The following PIKFYVE variants were observed in gnomAD, a reference collection of about 807,000 sequenced individuals.
PIKFYVE encodes the protein 1-phosphatidylinositol 3-phosphate 5-kinase.
A neutral mutation model predicts 257.9 loss-of-function variants in PIKFYVE; 122 were observed. The observed-to-expected ratio is 0.47, with a 90% CI of 0.41 to 0.55. The LOEUF (loss-of-function observed/expected upper bound fraction) is 0.55, where lower values mean the gene tolerates loss of function less well. Among genes scored for constraint, PIKFYVE ranks in the 20% least tolerant of loss-of-function variants. PIKFYVE has a pLI of 0.00. For synonymous variants in PIKFYVE, 892 were observed against 868.9 expected (o/e 1.03, Z -0.47); for missense variants, 2,160 against 2,536.6 (o/e 0.85, Z 3.19).
chr2:208,335,967 C>T (rs1158312316), intron 26 of PIKFYVE, 66 bp downstream of exon 26: 1 of 1,587,298 alleles, frequency 6.3e-7, no homozygotes. Context: ...GATTAAAAAT[C>T]AAAAATTAAT....
intron 7 of PIKFYVE, among the ~76,000 whole-genome samples, chr2:208,291,109 A>G (rs1437244453): frequency 1.3e-5 from 2 of 152,216 alleles, no homozygotes; most frequent in African/African-American, 4.8e-5. Flanking sequence ...GTTTCTCACC[A>G]TTAAGTATGA....
intron 12 of PIKFYVE, chr2:208,305,496 T>A (rs1002267219): frequency 4.5e-6 from 4 of 886,338 alleles, no homozygotes; most frequent in Admixed American, 5.4e-5. Context: ...TAATTCATAA[T>A]GCTTATTATG....
Position 208,288,740 on chromosome 2 carries a change from C to T in PIKFYVE, c.833C>T (p.Pro278Leu), listed in dbSNP as rs1691907044. The T allele has an allele frequency of 6.2e-7, 1 of 1,613,938 alleles. No homozygotes were observed. The highest frequency in any genetic ancestry group is 8.5e-7 in the Non-Finnish European group (1 of 1,179,938). Reference sequence around the variant, plus strand: ...TATTTTCTTTATAGTTTGATTCATCCAGATTCCTCAAATACTCCTCTTTCA... The same window carrying T: ...TATTTTCTTTATAGTTTGATTCATCTAGATTCCTCAAATACTCCTCTTTCA... Reference protein sequence around the residue: ...DDLAWQSLIHPDSSNTPLSTR... With the variant: ...DDLAWQSLIHLDSSNTPLSTR... Residue 278 changes from proline to leucine, a missense_variant, in exon 7 of 42, where the codon CCA (proline) becomes CTA (leucine). Physicochemically the swap from Pro to Leu is moderately conservative, Grantham distance 98 (BLOSUM62 -3). Transcript: ENST00000264380.
rs1698201984 is a variant in PIKFYVE at position 208,336,993 on chromosome 2, A to G, written c.4611+65A>G. ...AAATATAGTTAGTTTCATTTATAAT[A>G]CTTAGCAGGGATAGTTTAATATGTA... is the stretch of plus-strand genomic sequence containing the variant. On this transcript the variant is annotated intron_variant, in intron 28 of 41. Transcript: ENST00000264380. 5 of 1,235,106 alleles carry G rather than the reference A, an allele frequency of 4.0e-6. No homozygotes were observed. The Middle Eastern group carries it at 6.2e-4, about 152-fold the overall frequency. The allele number at this position is 1,235,106 out of a possible 1,614,324, so 76.5% of individuals were successfully genotyped here.
chr2:208,318,536 G>T (rs1442485196), intron 16 of PIKFYVE, among the ~76,000 whole-genome samples: 1 of 152,188 alleles, frequency 6.6e-6, no homozygotes, highest in Non-Finnish European at 1.5e-5. Context: ...TTGATTCTCA[G>T]TGTAGTGTAC....
chr2:208,272,708 CTTTAATAATATTAACTGAA>C (rs2125007656), intron 2 of PIKFYVE, among the ~76,000 whole-genome samples: 1 of 151,880 alleles, frequency 6.6e-6, no homozygotes, highest in South Asian at 2.1e-4. Context: ...TCAGTAGAAC[CTTTAATAATATTAACTGAA>C]TTTTATTTAT....
chr2:208,352,788 G>A lies in PIKFYVE; in HGVS notation c.5844+6G>A. On this transcript the variant is annotated splice_donor_region_variant and intron_variant, in intron 39 of 41. Coordinates refer to ENST00000264380, the MANE Select transcript of PIKFYVE (RefSeq NM_015040.4). ...ACGGGAGAAAGATGGCACAGGTAAG[G>A]GTATTGGACTATGTGAAGCATTTAG... The A allele has an allele frequency of 1.9e-6, 3 of 1,612,222 alleles. No individual in the cohort carries two copies. Among genetic ancestry groups the A allele is most frequent in the Non-Finnish European group, 8.5e-7 (1 of 1,179,116 alleles).
At chr2:208,295,091 T>C (rs1692799838) in intron 7 of PIKFYVE, among the ~76,000 whole-genome samples, 1 of 152,226 alleles carries the variant, frequency 6.6e-6, no homozygotes, top group Non-Finnish European at 1.5e-5. Context: ...AGGTTTCTGC[T>C]CCAGTGAGTT....
chr2:208,269,024 A>G (rs1212057779), intron 1 of PIKFYVE, among the ~76,000 whole-genome samples: 4 of 152,164 alleles, frequency 2.6e-5, no homozygotes, highest in Non-Finnish European at 5.9e-5. Flanking sequence ...GTGACCCCCA[A>G]GAAAGTTGTT....
intron 3 of PIKFYVE, among the ~76,000 whole-genome samples, chr2:208,276,387 C>A (rs1334670709): frequency 6.6e-6 from 1 of 152,106 alleles, no homozygotes; most frequent in East Asian, 1.9e-4. Context: ...ATAGGTTGGA[C>A]CAAAGGGCTT....
rs140491727 is a variant in PIKFYVE at position 208,343,348 on chromosome 2, C to G, written c.5027+699C>G. 8.7e-3 allele frequency among the ~76,000 whole-genome samples: 1,320 copies of G among 152,152 alleles called. 12 individuals carry two copies. Among genetic ancestry groups the G allele is most frequent in the African/African-American group, 0.03 (1,226 of 41,492 alleles). On this transcript the variant is annotated intron_variant, in intron 32 of 41. Transcript: ENST00000264380. ...GTACCATTCACTCATTTTCTACTACCCTACATACGAGGTAAAATTTTTCTA... is the reference window on the plus strand; with the variant it reads ...GTACCATTCACTCATTTTCTACTACGCTACATACGAGGTAAAATTTTTCTA...
chr2:208,336,955 C>T, intron 28 of PIKFYVE, 27 bp downstream of exon 28: 1 of 1,514,144 alleles, frequency 6.6e-7, no homozygotes, highest in East Asian at 2.3e-5. Flanking sequence ...TGTCTTTGGT[C>T]CTTAATCAAT....
chr2:208,313,095 A>G (rs1695103348), intron 13 of PIKFYVE, among the ~76,000 whole-genome samples: 2 of 152,210 alleles, frequency 1.3e-5, no homozygotes, highest in African/African-American at 4.8e-5. Flanking sequence ...TTTACTGTGT[A>G]ATCTGCTGGG....
chr2:208,351,139 A>T (rs778381227), intron 37 of PIKFYVE, among the ~76,000 whole-genome samples, 192 bp downstream of exon 37: 3 of 152,236 alleles, frequency 2.0e-5, no homozygotes, highest in Non-Finnish European at 4.4e-5. Flanking sequence ...TAGATGTGTT[A>T]TTGACAAAAG....
At chr2:208,276,968 A>G in intron 4 of PIKFYVE, 138 bp downstream of exon 4, 1 of 656,014 alleles carries the variant, frequency 1.5e-6, no homozygotes, top group South Asian at 2.0e-5. Context: ...ATTTTTATAC[A>G]TAAGTTCTTA....
Position 208,357,653 on chromosome 2 carries a change from T to C in PIKFYVE, c.*2348T>C, listed in dbSNP as rs1221644572. ...AGGGGAAATATACAATTTATTTCTA[T>C]TGAGTGGTAGAACTATATGTCTGGT... On this transcript the variant is annotated 3_prime_UTR_variant, in exon 42 of 42. Transcript: ENST00000264380. 2 of 152,246 alleles carry C rather than the reference T, an allele frequency of 1.3e-5. No homozygotes were observed. Among genetic ancestry groups the C allele is most frequent in the African/African-American group, 4.8e-5 (2 of 41,468 alleles). 9.4% of individuals were successfully genotyped at this position (152,246 alleles called of 1,614,324 possible). A position where few individuals can be genotyped will look rare whatever the true frequency, so the allele number is the denominator to read the frequency against.
intron 28 of PIKFYVE, among the ~76,000 whole-genome samples, chr2:208,338,054 G>A (rs898191477): frequency 1.3e-5 from 2 of 151,766 alleles, no homozygotes; most frequent in African/African-American, 4.8e-5. Flanking sequence ...TTGCATATCT[G>A]TATGAAGCTA....
intron 3 of PIKFYVE, chr2:208,274,102 A>G (rs1051160211): frequency 6.3e-7 from 1 of 1,580,914 alleles, no homozygotes; most frequent in Non-Finnish European, 8.7e-7. Context: ...TTGGGGTGCT[A>G]GTGAAATGTG....
At chr2:208,326,504 A>T (rs1486085707) in intron 20 of PIKFYVE, 75 bp downstream of exon 20, 26 of 1,508,368 alleles carry the variant, frequency 1.7e-5, no homozygotes, top group Admixed American at 1.6e-4. Context: ...AGGCTAAAAA[A>T]ATCAGTTTGG....
Sources: gnomAD v4.1 joint callset for allele counts (sites outside exome capture counted in the v4.1 genomes callset) on GRCh38, gnomAD v4.1.1 for gene constraint, MANE v1.5 for transcripts, NCBI Gene and HGNC (gene_info 2026-07-23, HGNC 2026-07-21) for gene names.